The following DCAF6 variants were observed in gnomAD, a reference collection of about 807,000 sequenced individuals.
The protein encoded by DCAF6 is DDB1- and CUL4-associated factor 6.
A neutral mutation model predicts 125.1 loss-of-function variants in DCAF6; 54 were observed. The ratio of observed to expected loss-of-function variants is 0.43; its 90% CI spans 0.35 to 0.54. DCAF6 has a LOEUF of 0.54. Among genes scored for constraint, DCAF6 ranks in the 20% least tolerant of loss-of-function variants. The pLI is 0.01. For synonymous variants in DCAF6, 371 were observed against 390.4 expected, an observed-to-expected ratio of 0.95 and a Z score of 0.58; for missense variants, 934 against 1,161.7, an observed-to-expected ratio of 0.80 and a Z score of 2.85.
intron 12 of DCAF6, among the ~76,000 whole-genome samples, chr1:168,035,278 T>A (rs1419243037): frequency 6.6e-6 from 1 of 152,128 alleles, no homozygotes; most frequent in African/African-American, 2.4e-5. Context: ...AAACCCTGTT[T>A]CTACAAAAGT....
At chr1:167,898,142 C>T in the DCAF6 span, among the ~76,000 whole-genome samples, 1 of 151,018 alleles carries the variant, frequency 6.6e-6, no homozygotes. Flanking sequence ...TAGTATTGTA[C>T]CAATGTTAAT....
At chr1:168,040,691 C>G (rs12564175) in intron 13 of DCAF6, among the ~76,000 whole-genome samples, 1 of 149,210 alleles carries the variant, frequency 6.7e-6, no homozygotes, top group Non-Finnish European at 1.5e-5. Flanking sequence ...CTGGCATCTT[C>G]TGAAGAATCT....
At chr1:167,947,979 C>T (rs976980044) in intron 1 of DCAF6, among the ~76,000 whole-genome samples, 1 of 152,148 alleles carries the variant, frequency 6.6e-6, no homozygotes, top group Admixed American at 6.5e-5. Flanking sequence ...TGAATTTTCA[C>T]ACTATTGTGT....
chr1:168,010,927 A>C (rs1684192159), intron 10 of DCAF6, among the ~76,000 whole-genome samples: 1 of 151,762 alleles, frequency 6.6e-6, no homozygotes, highest in Non-Finnish European at 1.5e-5. Context: ...GTGCTATTTA[A>C]TTTTTTTCTT....
chr1:167,871,755 A>G, the DCAF6 span, among the ~76,000 whole-genome samples: 5 of 152,368 alleles, frequency 3.3e-5, no homozygotes, highest in South Asian at 1.0e-3. Context: ...TTTGCTTGGT[A>G]ATATACATTT....
the DCAF6 span, chr1:167,904,785 A>G: frequency 3.0e-6 from 2 of 658,932 alleles, no homozygotes; most frequent in Non-Finnish European, 5.3e-6. Context: ...AGATATGCCT[A>G]TGACTGGCAG....
At position 168,075,536 on chromosome 1, in the gene DCAF6, T is replaced by C. The variant is rs1693703650; in HGVS notation, c.*101T>C. 9.5e-7 allele frequency: 1 copy of C among 1,058,106 alleles called. No homozygotes were observed. Among genetic ancestry groups the C allele is most frequent in the East Asian group, 2.8e-5 (1 of 35,330 alleles). 65.5% of individuals were successfully genotyped at this position (1,058,106 alleles called of 1,614,324 possible). On this transcript the variant is annotated 3_prime_UTR_variant, in exon 22 of 22. Coordinates refer to ENST00000367840, the MANE Select transcript of DCAF6 (RefSeq NM_001198956.2). Reference sequence around the variant, plus strand: ...CTTTAGTGCAATTTTAAGGTTATGGTTTTTGGAGTTTTTCCCTTTTTTTGG... The same window carrying C: ...CTTTAGTGCAATTTTAAGGTTATGGCTTTTGGAGTTTTTCCCTTTTTTTGG...
intron 2 of DCAF6, among the ~76,000 whole-genome samples, 161 bp downstream of exon 2, chr1:167,952,022 T>C (rs944748421): frequency 1.3e-5 from 2 of 152,002 alleles, no homozygotes; most frequent in African/African-American, 2.4e-5. Context: ...TCTAGAAGAG[T>C]GTATGCAAGA....
chr1:167,924,258 TA>T, the DCAF6 span, among the ~76,000 whole-genome samples: 1 of 152,202 alleles, frequency 6.6e-6, no homozygotes, highest in Non-Finnish European at 1.5e-5. Context: ...TGCACAATTG[TA>T]AGTTTTTTGA....
In DCAF6 at chr1:167,971,981, G is replaced by A. The variant is rs372381859; in HGVS notation, c.253-2849G>A. On this transcript the variant is annotated intron_variant, in intron 3 of 21. Transcript: ENST00000367840. ...AGTGATTCTCGTGCCTTAGCCTCCCGAGTAGCTGGGACTACAGGGATGCGC... is the reference window on the plus strand; with the variant it reads ...AGTGATTCTCGTGCCTTAGCCTCCCAAGTAGCTGGGACTACAGGGATGCGC... Among the ~76,000 whole-genome samples the A allele has an allele frequency of 8.0e-4, 121 of 152,030 alleles. 1 individual carries two copies. In the South Asian group the frequency reaches 0.023, roughly 29 times the overall value.
chr1:167,984,189 G>A (rs557724016), intron 4 of DCAF6, among the ~76,000 whole-genome samples: 2 of 152,246 alleles, frequency 1.3e-5, no homozygotes, highest in South Asian at 4.2e-4. Context: ...ATTTTGTAGT[G>A]TTGTCAGTGC....
rs374340044 is a variant in DCAF6 at position 168,035,650 on chromosome 1, A to G, written c.1610-2721A>G. Among the ~76,000 whole-genome samples the G allele has an allele frequency of 2.3e-3, 351 of 152,278 alleles. 16 individuals carry two copies. In the South Asian group the frequency reaches 0.069, roughly 30 times the overall value. ...AGTTTTACACAAGGCTGATGAATTC[A>G]TTAACAACTTAAATGAACAAATTCT... On this transcript the variant is annotated intron_variant, in intron 12 of 21. Transcript: ENST00000367840.
the DCAF6 span, among the ~76,000 whole-genome samples, chr1:167,921,149 T>G: frequency 2.4e-4 from 37 of 152,188 alleles, no homozygotes; most frequent in African/African-American, 8.4e-4. Context: ...TGTGTGATGC[T>G]GAGGTTTGGG....
the DCAF6 span, chr1:167,870,531 T>C: frequency 5.8e-6 from 5 of 856,356 alleles, no homozygotes; most frequent in Admixed American, 6.7e-5. Flanking sequence ...TGTGGCTCAC[T>C]CCTGTAATCC....
chr1:167,894,580 G>A, the DCAF6 span, among the ~76,000 whole-genome samples: 1 of 152,092 alleles, frequency 6.6e-6, no homozygotes. Flanking sequence ...AAATGGCAAA[G>A]GGTTTTCAGC....
At chr1:168,016,472 T>G (rs1182218367) in intron 11 of DCAF6, among the ~76,000 whole-genome samples, 2 of 152,212 alleles carry the variant, frequency 1.3e-5, no homozygotes, top group African/African-American at 4.8e-5. Context: ...ATATTTGCTT[T>G]CTTATTCCTC....
chr1:168,044,992 G>A lies in DCAF6; in HGVS notation c.2023G>A (p.Glu675Lys). 1 of 1,614,088 alleles carries A rather than the reference G, an allele frequency of 6.2e-7. No homozygotes were observed. The highest frequency in any genetic ancestry group is 8.5e-7 in the Non-Finnish European group (1 of 1,179,962). Residue 675 changes from glutamate to lysine, a missense_variant, in exon 16 of 22, where the codon GAA becomes AAA. Glu to Lys is a moderately conservative substitution (Grantham distance 56). This residue lies in a region of DCAF6 where 559 missense variants were observed against 635.5 expected (regional missense o/e 0.88). Coordinates refer to ENST00000367840, the MANE Select transcript of DCAF6 (RefSeq NM_001198956.2). ...NLDRSCGVPEESASSEKAKEP... is the reference protein window; with the variant it reads ...NLDRSCGVPEKSASSEKAKEP... ...TGATCGCTCTTGTGGGGTTCCAGAA[G>A]AATCTGCTTCATCTGAAAAAGCCAA... is the stretch of plus-strand genomic sequence containing the variant.
the DCAF6 span, chr1:167,920,623 C>A: frequency 4.3e-6 from 7 of 1,613,478 alleles, no homozygotes; most frequent in Non-Finnish European, 5.9e-6. Flanking sequence ...ATCCAGCACA[C>A]ACCAACCCCT....
chr1:168,039,697 T>A (rs982473975), intron 13 of DCAF6, among the ~76,000 whole-genome samples: 8 of 147,568 alleles, frequency 5.4e-5, no homozygotes, highest in African/African-American at 2.0e-4. Context: ...TATTAAATAT[T>A]TAATTGTATA....
Sources: allele counts gnomAD v4.1 joint callset (sites outside exome capture counted in the v4.1 genomes callset), GRCh38; gene constraint gnomAD v4.1.1; regional missense constraint gnomAD v4.1.1; transcripts MANE v1.5; gene names NCBI Gene and HGNC (gene_info 2026-07-23, HGNC 2026-07-21).